The following ADAM22 variants were observed in gnomAD, a reference collection of about 807,000 sequenced individuals.
ADAM22 encodes ADAM metallopeptidase domain 22.
Under a neutral mutation model 144.6 loss-of-function variants are expected in ADAM22, and 65 were observed. The observed-to-expected ratio is 0.45, with a 90% confidence interval of 0.37 to 0.55. The LOEUF (loss-of-function observed/expected upper bound fraction) is 0.55, where lower values mean the gene tolerates loss of function less well. ADAM22 is among the 20% of genes least tolerant of loss of function. The pLI is 0.00. For missense variants in ADAM22, 974 were observed against 1,184.9 expected, an observed-to-expected ratio of 0.82 and a Z score of 2.61; for synonymous variants, 391 against 412.6, an observed-to-expected ratio of 0.95 and a Z score of 0.63.
chr7:87,934,282 C>T lies in ADAM22; in HGVS notation c.-184C>T, dbSNP rs1840631530. On this transcript the variant is annotated 5_prime_UTR_variant, in exon 1 of 32. Coordinates refer to ENST00000413139, the MANE Select transcript of ADAM22 (RefSeq NM_001324418.2). ...TCGCTCCCCCCGCCAGCGGAAGCGTCCGCGAAGCACAATGCAGCACTGAGC... is the reference window on the plus strand; with the variant it reads ...TCGCTCCCCCCGCCAGCGGAAGCGTTCGCGAAGCACAATGCAGCACTGAGC... The T allele has an allele frequency of 1.9e-6, 1 of 527,016 alleles. No individual in the cohort carries two copies. The highest frequency in any genetic ancestry group is 3.2e-6 in the Non-Finnish European group (1 of 308,280). 32.6% of individuals were successfully genotyped at this position (527,016 alleles called of 1,614,324 possible).
At chr7:87,987,306 G>A (rs1433027833) in intron 3 of ADAM22, among the ~76,000 whole-genome samples, 2 of 152,116 alleles carry the variant, frequency 1.3e-5, no homozygotes, top group Non-Finnish European at 2.9e-5. Flanking sequence ...AGCCTCCCAA[G>A]TAGCTGGGAT....
intron 3 of ADAM22, among the ~76,000 whole-genome samples, chr7:88,072,845 C>A (rs1361992541): frequency 6.6e-6 from 1 of 152,144 alleles, no homozygotes; most frequent in Non-Finnish European, 1.5e-5. Flanking sequence ...CCTTTGCAAA[C>A]ACCTGGCTAG....
intron 2 of ADAM22, among the ~76,000 whole-genome samples, chr7:87,956,444 G>T (rs34221278): frequency 0.28 from 41,883 of 152,100 alleles, 7,751 homozygotes; most frequent in Non-Finnish European, 0.39. Flanking sequence ...TTTATAAGAG[G>T]TTTATTGAGA....
chr7:88,150,986 C>T lies in ADAM22; in HGVS notation c.1572C>T (p.Ala524=), dbSNP rs202189820. ...ETCSGNSSQC[A]PNIHKMDGYS... Reference sequence around the variant, plus strand: ...AGTTGTTCTCTTTTTCCTAGTGTGCCCCTAATATTCATAAAATGGATGGAT... The same window carrying T: ...AGTTGTTCTCTTTTTCCTAGTGTGCTCCTAATATTCATAAAATGGATGGAT... The change falls in exon 19 of 32, where the codon GCC becomes GCT. Residue 524 remains alanine, a synonymous_variant. Transcript: ENST00000413139. 4.7e-4 allele frequency: 760 copies of T among 1,613,082 alleles called. 2 individuals carry two copies. The highest frequency in any genetic ancestry group is 6.1e-4 in the Non-Finnish European group (721 of 1,179,380).
intron 3 of ADAM22, among the ~76,000 whole-genome samples, chr7:88,062,929 C>A (rs935431317): frequency 2.0e-5 from 3 of 152,146 alleles, no homozygotes; most frequent in Non-Finnish European, 4.4e-5. Context: ...AGCTCGCTCT[C>A]TTATATGGGT....
At chr7:87,999,777 C>A (rs1792093608) in intron 3 of ADAM22, among the ~76,000 whole-genome samples, 1 of 152,044 alleles carries the variant, frequency 6.6e-6, no homozygotes, top group Admixed American at 6.6e-5. Context: ...AGATTAGATT[C>A]TCAATTGAAT....
intron 2 of ADAM22, among the ~76,000 whole-genome samples, chr7:87,936,088 A>G (rs1370525413): frequency 6.6e-6 from 1 of 152,198 alleles, no homozygotes; most frequent in East Asian, 1.9e-4. Context: ...GTATAAATAT[A>G]TTCATCAGTG....
chr7:88,098,601 AC>A (rs1402849447), intron 4 of ADAM22, among the ~76,000 whole-genome samples: 2 of 152,230 alleles, frequency 1.3e-5, no homozygotes, highest in Admixed American at 1.3e-4. Context: ...ACAGAGACAA[AC>A]ACAGAAAGTT....
At chr7:87,981,530 A>AGG (rs913666142) in intron 3 of ADAM22, among the ~76,000 whole-genome samples, 16 of 152,104 alleles carry the variant, frequency 1.1e-4, no homozygotes, top group African/African-American at 3.9e-4. Flanking sequence ...GAAGAATGGG[A>AGG]GGTGGTGTGG....
intron 5 of ADAM22, among the ~76,000 whole-genome samples, chr7:88,111,910 T>A (rs1366432476): frequency 5.9e-5 from 9 of 152,332 alleles, no homozygotes; most frequent in East Asian, 1.9e-4. Flanking sequence ...ACATGATGTT[T>A]AAGTCCAATA....
At chr7:88,185,098 CT>C (rs1219509856) in intron 29 of ADAM22, among the ~76,000 whole-genome samples, 1 of 152,106 alleles carries the variant, frequency 6.6e-6, no homozygotes, top group Non-Finnish European at 1.5e-5. Context: ...GGCTTTTTGA[CT>C]TTTTCTTTTT....
chr7:88,065,643 G>T (rs1811038512), intron 3 of ADAM22, among the ~76,000 whole-genome samples: 1 of 151,876 alleles, frequency 6.6e-6, no homozygotes, highest in African/African-American at 2.4e-5. Context: ...TAGATGGTAT[G>T]ACCACCTTTT....
intron 3 of ADAM22, among the ~76,000 whole-genome samples, chr7:88,010,730 G>A (rs1259749753): frequency 6.6e-6 from 1 of 152,090 alleles, no homozygotes; most frequent in East Asian, 1.9e-4. Context: ...TGGTGGGTTG[G>A]AATAGAAGAG....
intron 2 of ADAM22, among the ~76,000 whole-genome samples, chr7:87,966,662 A>G (rs1458206163): frequency 6.8e-6 from 1 of 146,440 alleles, no homozygotes; most frequent in Non-Finnish European, 1.5e-5. Flanking sequence ...AGAACTGGAA[A>G]TGTAGCAAGG....
Position 88,136,023 on chromosome 7 carries a change from A to G in ADAM22, c.1212A>G (p.Gly404=), listed in dbSNP as rs761756546. ...ACACGTGGTCCGGGTGCATAATGGGAGACACTGGGTGAGCCACTTGTATTT... is the reference window on the plus strand; with the variant it reads ...ACACGTGGTCCGGGTGCATAATGGGGGACACTGGGTGAGCCACTTGTATTT... The part of the protein sequence containing the change: ...CEDTWSGCIM[G]DTGYYLPKKF... Residue 404 remains glycine (G), a synonymous_variant, in exon 14 of 32, where the codon GGA becomes GGG. Transcript: ENST00000413139. 6.2e-7 allele frequency: 1 copy of G among 1,612,096 alleles called. No individual in the cohort carries two copies. Among genetic ancestry groups the G allele is most frequent in the Admixed American group, 1.7e-5 (1 of 59,804 alleles).
chr7:88,008,608 G>C (rs1794570616), intron 3 of ADAM22, among the ~76,000 whole-genome samples: 1 of 151,424 alleles, frequency 6.6e-6, no homozygotes, highest in Non-Finnish European at 1.5e-5. Context: ...TAGGGACATG[G>C]ATGAAATTGG....
At chr7:87,941,293 G>A (rs1414781580) in intron 2 of ADAM22, among the ~76,000 whole-genome samples, 1 of 152,178 alleles carries the variant, frequency 6.6e-6, no homozygotes, top group African/African-American at 2.4e-5. Flanking sequence ...CCAAATGGCA[G>A]CAAGATGGCA....
At chr7:88,080,134 A>G (rs1429362494) in intron 4 of ADAM22, among the ~76,000 whole-genome samples, 2 of 152,256 alleles carry the variant, frequency 1.3e-5, no homozygotes, top group African/African-American at 2.4e-5. Context: ...AACAGAAATT[A>G]TAACAAACTG....
chr7:88,085,262 T>G (rs1818128979), intron 4 of ADAM22, among the ~76,000 whole-genome samples: 1 of 152,204 alleles, frequency 6.6e-6, no homozygotes, highest in Non-Finnish European at 1.5e-5. Flanking sequence ...TAAGAGCTTC[T>G]TGTGTCAGTT....
Sources: gnomAD v4.1 joint callset for allele counts (sites outside exome capture counted in the v4.1 genomes callset) on GRCh38, gnomAD v4.1.1 for gene constraint, MANE v1.5 for transcripts, NCBI Gene and HGNC (gene_info 2026-07-23, HGNC 2026-07-21) for gene names.